The following FAIM2 variants were observed in gnomAD, a reference collection of about 807,000 sequenced individuals.
The protein encoded by FAIM2 is Fas apoptotic inhibitory molecule 2.
In FAIM2, 27 loss-of-function variants were observed where a neutral mutation model predicts 47.4. The ratio of observed to expected loss-of-function variants is 0.57; its 90% CI spans 0.42 to 0.78. The LOEUF (loss-of-function observed/expected upper bound fraction) is 0.78, where lower values mean the gene tolerates loss of function less well. Ranked by LOEUF, FAIM2 falls within the 30% of genes least tolerant of loss-of-function variation. The probability of loss-of-function intolerance (pLI) is 0.00; values close to 1 mark genes in which losing one functional copy is unlikely to be tolerated. For missense variants in FAIM2, 311 were observed against 389.4 expected (o/e 0.80, Z 1.69); for synonymous variants, 156 against 159.3 (o/e 0.98, Z 0.16).
intron 11 of FAIM2, among the ~76,000 whole-genome samples, chr12:49,877,014 C>T (rs1044543411): frequency 6.6e-6 from 1 of 152,178 alleles, no homozygotes; most frequent in African/African-American, 2.4e-5. Flanking sequence ...GGGCACTGGC[C>T]AGCTGCAGAG....
At chr12:49,884,778 T>G (rs297922) in intron 11 of FAIM2, among the ~76,000 whole-genome samples, 3 of 152,228 alleles carry the variant, frequency 2.0e-5, no homozygotes, top group South Asian at 4.1e-4. Flanking sequence ...ATCGAGACCA[T>G]CCTGGCTAAC....
chr12:49,879,359 T>A (rs574052632), intron 11 of FAIM2, among the ~76,000 whole-genome samples: 3 of 151,188 alleles, frequency 2.0e-5, no homozygotes, highest in South Asian at 4.2e-4. Context: ...TGTGAGTGCA[T>A]GTGTGTGCAT....
chr12:49,872,655 T>C (rs548692940), intron 11 of FAIM2, among the ~76,000 whole-genome samples: 55 of 152,160 alleles, frequency 3.6e-4, no homozygotes, highest in Non-Finnish European at 3.5e-4. Flanking sequence ...ACATGGGACA[T>C]TGAGGCAGGG....
At chr12:49,903,489 G>C (rs1378566325) in intron 1 of FAIM2, among the ~76,000 whole-genome samples, 1 of 152,244 alleles carries the variant, frequency 6.6e-6, no homozygotes, top group Non-Finnish European at 1.5e-5. Context: ...CGCCCGGGCT[G>C]ACTCCTCACG....
At chr12:49,895,543 G>A (rs1429863592) in intron 5 of FAIM2, among the ~76,000 whole-genome samples, 1 of 152,214 alleles carries the variant, frequency 6.6e-6, no homozygotes, top group Non-Finnish European at 1.5e-5. Context: ...TGCCACATGG[G>A]CTGGCCCAGG....
At position 49,867,517 on chromosome 12, in the gene FAIM2, A is replaced by C. The variant is rs901019319; in HGVS notation, c.*2987T>G. ...CGAAGGAGCCATAGGTGTGCCCGGG[A>C]ATGAGTCCCAGACTCGTGTGTGCCT... On this transcript the variant is annotated 3_prime_UTR_variant, in exon 12 of 12. Transcript: ENST00000320634. The C allele has an allele frequency of 3.3e-5, 5 of 152,172 alleles. No homozygotes were observed. Among genetic ancestry groups the C allele is most frequent in the Non-Finnish European group, 7.3e-5 (5 of 68,044 alleles). The allele number at this position is 152,172 out of a possible 1,614,324, so 9.4% of individuals were successfully genotyped here.
chr12:49,889,465 A>C lies in FAIM2; in HGVS notation c.651+16T>G. ...CCTCAGGCCAGGGGTCCCTGCCTGC[A>C]GGCCCCAGAGCTGACCTTGGTCTGG... On this transcript the variant is annotated intron_variant, in intron 9 of 11. Transcript: ENST00000320634. 2 of 1,611,266 alleles carry C rather than the reference A, an allele frequency of 1.2e-6. No homozygotes were observed. Among genetic ancestry groups the C allele is most frequent in the South Asian group, 2.2e-5 (2 of 91,016 alleles).
chr12:49,896,390 C>T (rs1391000587), intron 5 of FAIM2, among the ~76,000 whole-genome samples: 3 of 152,134 alleles, frequency 2.0e-5, no homozygotes, highest in South Asian at 2.1e-4. Context: ...CCGAGTGGCT[C>T]GAGGGCTGCA....
intron 8 of FAIM2, among the ~76,000 whole-genome samples, 160 bp downstream of exon 8, chr12:49,889,957 G>A (rs1946888066): frequency 6.6e-6 from 1 of 152,046 alleles, no homozygotes; most frequent in East Asian, 1.9e-4. Flanking sequence ...CCAGCTGAGT[G>A]CTCAAGCAGA....
chr12:49,903,439 G>C (rs1167934128), intron 1 of FAIM2, among the ~76,000 whole-genome samples: 2 of 152,198 alleles, frequency 1.3e-5, no homozygotes, highest in African/African-American at 4.8e-5. Flanking sequence ...GCTCACCCTG[G>C]CACACACATA....
At chr12:49,887,527 G>A in intron 10 of FAIM2, 88 bp from the exon 11 acceptor site, 4 of 1,165,678 alleles carry the variant, frequency 3.4e-6, no homozygotes, top group Non-Finnish European at 5.0e-6. Context: ...AGAGAATGGA[G>A]GACACGGGGT....
Position 49,870,371 on chromosome 12 carries a change from T to C in FAIM2, c.*133A>G. 1.2e-6 allele frequency: 1 copy of C among 811,088 alleles called. No homozygotes were observed. Among genetic ancestry groups the C allele is most frequent in the Non-Finnish European group, 2.0e-6 (1 of 500,706 alleles). 50.2% of individuals were successfully genotyped at this position (811,088 alleles called of 1,614,324 possible). A position where few individuals can be genotyped will look rare whatever the true frequency, so the allele number is the denominator to read the frequency against. Reference sequence around the variant, plus strand: ...CAAGCGGCAGAGGGCTGGGCTGGGCTGGGGTAGACAGTGACCTGGCCACAG... The same window carrying C: ...CAAGCGGCAGAGGGCTGGGCTGGGCCGGGGTAGACAGTGACCTGGCCACAG... On this transcript the variant is annotated 3_prime_UTR_variant, in exon 12 of 12. Transcript: ENST00000320634.
chr12:49,898,264 T>A (rs552490439), intron 2 of FAIM2, among the ~76,000 whole-genome samples, 174 bp from the exon 3 acceptor site: 142 of 152,244 alleles, frequency 9.3e-4, no homozygotes, highest in African/African-American at 3.0e-3. Flanking sequence ...AATCCCCAGA[T>A]CTCTCTCCCT....
chr12:49,894,541 G>C (rs1389457264), intron 5 of FAIM2, among the ~76,000 whole-genome samples: 1 of 152,174 alleles, frequency 6.6e-6, no homozygotes, highest in Admixed American at 6.5e-5. Context: ...CAGAGAGAGA[G>C]AGAACCAATG....
intron 6 of FAIM2, 63 bp downstream of exon 6, chr12:49,891,001 G>A: frequency 1.9e-6 from 3 of 1,539,342 alleles, no homozygotes; most frequent in South Asian, 1.1e-5. Context: ...GGCAGGGCTG[G>A]GGCCAGAATT....
intron 10 of FAIM2, among the ~76,000 whole-genome samples, chr12:49,888,296 C>T (rs988328182): frequency 6.6e-6 from 1 of 152,172 alleles, no homozygotes; most frequent in Non-Finnish European, 1.5e-5. Context: ...CTGGACTGGA[C>T]GCCAAGTGCC....
At chr12:49,894,785 CTT>C (rs1477793072) in intron 5 of FAIM2, among the ~76,000 whole-genome samples, 1 of 152,222 alleles carries the variant, frequency 6.6e-6, no homozygotes, top group Non-Finnish European at 1.5e-5. Flanking sequence ...CTGAGCCTCA[CTT>C]TCCTCAACTG....
At chr12:49,877,902 GTA>G (rs747805058) in intron 11 of FAIM2, among the ~76,000 whole-genome samples, 9 of 151,752 alleles carry the variant, frequency 5.9e-5, no homozygotes, top group South Asian at 2.1e-4. Context: ...GTATGTGTGT[GTA>G]TATGTGTCCA....
At position 49,884,047 on chromosome 12, in the gene FAIM2, C is replaced by T. The variant is rs191782290; in HGVS notation, c.801+3339G>A. 1.6e-3 allele frequency among the ~76,000 whole-genome samples: 242 copies of T among 152,058 alleles called. 2 individuals are homozygous for T. Among genetic ancestry groups the T allele is most frequent in the African/African-American group, 5.6e-3 (234 of 41,476 alleles). ...GACCAGCCTGGCCAACATGGCAAGA[C>T]CCCATCTCTACTAAAAATACAAAAA... On this transcript the variant is annotated intron_variant, in intron 11 of 11. Transcript: ENST00000320634.
Sources: gnomAD v4.1 joint callset for allele counts (sites outside exome capture counted in the v4.1 genomes callset) on GRCh38, gnomAD v4.1.1 for gene constraint, MANE v1.5 for transcripts, NCBI Gene and HGNC (gene_info 2026-07-23, HGNC 2026-07-21) for gene names.